The following RGL1 variants were observed in gnomAD, a reference collection of about 807,000 sequenced individuals.
RGL1 encodes the protein ral guanine nucleotide dissociation stimulator-like 1.
Under a neutral mutation model 95.2 loss-of-function variants are expected in RGL1, and 24 were observed. The ratio of observed to expected loss-of-function variants is 0.25; its 90% CI spans 0.18 to 0.35. The LOEUF (loss-of-function observed/expected upper bound fraction) is 0.35. Ranked by LOEUF, RGL1 falls within the 10% of genes least tolerant of loss-of-function variation. The pLI, the probability that RGL1 is intolerant of heterozygous loss-of-function variation, is 1.00. For missense variants in RGL1, 715 were observed against 936.3 expected (o/e 0.76, Z 3.08); for synonymous variants, 329 against 344.9 (o/e 0.95, Z 0.51).
intron 1 of RGL1, among the ~76,000 whole-genome samples, chr1:183,703,787 T>C (rs1654738907): frequency 6.6e-6 from 1 of 151,864 alleles, no homozygotes; most frequent in Admixed American, 6.6e-5. Flanking sequence ...GCTTGGTGGG[T>C]AGGAAAAGGC....
chr1:183,696,087 A>T (rs1473246226), intron 1 of RGL1, among the ~76,000 whole-genome samples: 1 of 152,184 alleles, frequency 6.6e-6, no homozygotes, highest in Non-Finnish European at 1.5e-5. Context: ...CAGTCCAATT[A>T]CCATCCTCTG....
intron 1 of RGL1, among the ~76,000 whole-genome samples, chr1:183,716,130 G>A (rs552537008): frequency 3.9e-5 from 6 of 152,190 alleles, no homozygotes; most frequent in East Asian, 1.9e-4. Context: ...CCAACTATCC[G>A]GATACCACAT....
At chr1:183,666,162 C>G (rs1328039832) in intron 1 of RGL1, among the ~76,000 whole-genome samples, 1 of 151,900 alleles carries the variant, frequency 6.6e-6, no homozygotes, top group Non-Finnish European at 1.5e-5. Context: ...TGCACCACCA[C>G]ACTCGGCTAA....
chr1:183,756,499 G>A (rs1361903756), intron 2 of RGL1, among the ~76,000 whole-genome samples: 2 of 152,224 alleles, frequency 1.3e-5, no homozygotes, highest in Admixed American at 6.5e-5. Flanking sequence ...TGGGCACTGT[G>A]CAGTCAATGA....
At chr1:183,849,077 TA>T (rs1008001507) in intron 3 of RGL1, among the ~76,000 whole-genome samples, 4 of 147,064 alleles carry the variant, frequency 2.7e-5, no homozygotes, top group Non-Finnish European at 4.6e-5. Flanking sequence ...AATTTTCATT[TA>T]AAAAATTTTT....
intron 2 of RGL1, among the ~76,000 whole-genome samples, chr1:183,829,381 G>A (rs1663099036): frequency 6.6e-6 from 1 of 151,552 alleles, no homozygotes. Context: ...GGTGGAGGTT[G>A]CATGAACCAT....
chr1:183,873,251 G>A (rs10911453), intron 4 of RGL1, among the ~76,000 whole-genome samples: 13 of 152,180 alleles, frequency 8.5e-5, no homozygotes, highest in African/African-American at 2.9e-4. Flanking sequence ...CAATTAGACT[G>A]TATTGTTTGA....
intron 1 of RGL1, among the ~76,000 whole-genome samples, chr1:183,637,153 G>A (rs906100123): frequency 6.6e-6 from 1 of 152,208 alleles, no homozygotes; most frequent in Admixed American, 6.5e-5. Flanking sequence ...TTACAAGATT[G>A]TTCTTAGGAT....
chr1:183,841,703 A>G (rs1430353104), intron 2 of RGL1, among the ~76,000 whole-genome samples: 3 of 152,166 alleles, frequency 2.0e-5, no homozygotes, highest in Non-Finnish European at 4.4e-5. Context: ...CATTACATAC[A>G]TGATTTCTGC....
chr1:183,886,238 A>G (rs187185980), intron 7 of RGL1, among the ~76,000 whole-genome samples: 12 of 152,314 alleles, frequency 7.9e-5, no homozygotes, highest in African/African-American at 2.6e-4. Context: ...TTCTTAGTGT[A>G]TTATGAAAGT....
At chr1:183,810,457 C>T (rs977774215) in intron 2 of RGL1, among the ~76,000 whole-genome samples, 1 of 152,066 alleles carries the variant, frequency 6.6e-6, no homozygotes, top group African/African-American at 2.4e-5. Flanking sequence ...TTTGTCACAC[C>T]GTTTCCCACA....
At chr1:183,924,049 C>T (rs1669470108) in intron 17 of RGL1, among the ~76,000 whole-genome samples, 1 of 152,026 alleles carries the variant, frequency 6.6e-6, no homozygotes, top group African/African-American at 2.4e-5. Flanking sequence ...TACTGTATAC[C>T]TTCTTGTGGC....
chr1:183,681,592 G>A (rs908284221), intron 1 of RGL1, among the ~76,000 whole-genome samples: 11 of 152,126 alleles, frequency 7.2e-5, no homozygotes, highest in African/African-American at 2.2e-4. Context: ...TTTTATTGAG[G>A]ATTTTTGCAT....
chr1:183,746,870 G>C (rs923275161), intron 2 of RGL1, among the ~76,000 whole-genome samples: 1 of 151,828 alleles, frequency 6.6e-6, no homozygotes, highest in Non-Finnish European at 1.5e-5. Flanking sequence ...AGTTCTCATT[G>C]TTCAACTCCC....
intron 2 of RGL1, among the ~76,000 whole-genome samples, chr1:183,798,978 C>T (rs779700624): frequency 6.7e-6 from 1 of 149,716 alleles, no homozygotes; most frequent in Admixed American, 6.7e-5. Context: ...CATCTCAGCT[C>T]ACTGCAAGCT....
At chr1:183,694,168 C>G (rs10797901) in intron 1 of RGL1, among the ~76,000 whole-genome samples, 12,919 of 152,224 alleles carry the variant, frequency 0.085, 1,022 homozygotes, top group African/African-American at 0.21. Flanking sequence ...AATTTTATGT[C>G]TCTTGGGAAG....
chr1:183,926,530 C>T lies in RGL1; in HGVS notation c.*238C>T, dbSNP rs1307720359. 2.1e-5 allele frequency: 7 copies of T among 327,696 alleles called. No individual in the cohort carries two copies. Among genetic ancestry groups the T allele is most frequent in the Non-Finnish European group, 3.9e-5 (7 of 177,818 alleles). 20.3% of individuals were successfully genotyped at this position (327,696 alleles called of 1,614,324 possible). On this transcript the variant is annotated 3_prime_UTR_variant, in exon 18 of 18. Coordinates refer to ENST00000360851, the MANE Select transcript of RGL1 (RefSeq NM_001297671.3). Reference sequence around the variant, plus strand: ...CTTTGACTCATTTGAGACTAAAATGCAGAATTACCAACATTTAAAACATAT... The same window carrying T: ...CTTTGACTCATTTGAGACTAAAATGTAGAATTACCAACATTTAAAACATAT...
chr1:183,877,315 C>T (rs923256531), intron 4 of RGL1, among the ~76,000 whole-genome samples: 3 of 152,230 alleles, frequency 2.0e-5, no homozygotes, highest in Non-Finnish European at 4.4e-5. Flanking sequence ...TAAGTTAGAT[C>T]TTAGGACTGG....
chr1:183,791,348 G>A (rs1473148186), intron 2 of RGL1, among the ~76,000 whole-genome samples: 2 of 152,128 alleles, frequency 1.3e-5, no homozygotes, highest in African/African-American at 4.8e-5. Flanking sequence ...GTGTTTTGGT[G>A]TGTCTCTGTG....
Sources: gnomAD v4.1 joint callset for allele counts (sites outside exome capture counted in the v4.1 genomes callset) on GRCh38, gnomAD v4.1.1 for gene constraint, MANE v1.5 for transcripts, NCBI Gene and HGNC (gene_info 2026-07-23, HGNC 2026-07-21) for gene names.